The following STK39 variants were observed in gnomAD, a reference collection of about 807,000 sequenced individuals.
STK39 encodes serine/threonine kinase 39, also known as STE20/SPS1-related proline-alanine-rich protein kinase.
STK39 carries 20 observed loss-of-function variants against 77.8 expected under a neutral mutation model. The observed-to-expected ratio is 0.26, with a 90% CI of 0.18 to 0.37. The LOEUF (loss-of-function observed/expected upper bound fraction) is 0.37, where lower values mean the gene tolerates loss of function less well. Among genes scored for constraint, STK39 ranks in the 10% least tolerant of loss-of-function variants. STK39 has a pLI of 1.00. For missense variants in STK39, 479 were observed against 656.5 expected, an observed-to-expected ratio of 0.73 and a Z score of 2.95; for synonymous variants, 246 against 234.1, an observed-to-expected ratio of 1.05 and a Z score of -0.47.
chr2:168,012,284 T>C (rs1684288583), intron 16 of STK39, among the ~76,000 whole-genome samples: 1 of 152,096 alleles, frequency 6.6e-6, no homozygotes, highest in Admixed American at 6.6e-5. Flanking sequence ...GCGATTCTCC[T>C]GCCTCAGCTT....
At chr2:168,036,516 GCTTA>G (rs1684959385) in intron 14 of STK39, among the ~76,000 whole-genome samples, 1 of 152,300 alleles carries the variant, frequency 6.6e-6, no homozygotes, top group East Asian at 1.9e-4. Context: ...CTAGAAATGA[GCTTA>G]CTGTTTTTGG....
intron 1 of STK39, among the ~76,000 whole-genome samples, chr2:168,215,306 A>G (rs1689998968): frequency 6.6e-6 from 1 of 152,152 alleles, no homozygotes; most frequent in South Asian, 2.1e-4. Flanking sequence ...ATTTGATTTT[A>G]CAGGGGAGAA....
chr2:167,983,060 G>A (rs76330638), intron 16 of STK39, among the ~76,000 whole-genome samples: 5,576 of 152,242 alleles, frequency 0.037, 356 homozygotes, highest in African/African-American at 0.13. Flanking sequence ...TGGAATGGAC[G>A]AATGAAAATA....
At chr2:168,139,693 A>G (rs553909374) in intron 7 of STK39, among the ~76,000 whole-genome samples, 2 of 152,148 alleles carry the variant, frequency 1.3e-5, no homozygotes, top group Non-Finnish European at 2.9e-5. Flanking sequence ...TTCAGCCTCA[A>G]AACAAAATCC....
chr2:167,968,779 T>C (rs916532050), intron 16 of STK39, among the ~76,000 whole-genome samples: 18 of 152,208 alleles, frequency 1.2e-4, no homozygotes, highest in African/African-American at 4.1e-4. Flanking sequence ...AGGGTAGGTT[T>C]CTTATGGATA....
At chr2:168,021,196 C>T (rs904540307) in intron 14 of STK39, among the ~76,000 whole-genome samples, 1 of 152,040 alleles carries the variant, frequency 6.6e-6, no homozygotes, top group African/African-American at 2.4e-5. Context: ...AAGAACTGTA[C>T]CCAGAATATC....
rs932409675 is a variant in STK39, at chr2:168,247,175, G to A, written c.208+53C>T. On this transcript the variant is annotated intron_variant, in intron 1 of 17. Transcript: ENST00000355999. ...AGCCCAGCATCCCGCGCCCCCTCCC[G>A]CCCGGCCTCGGCGCCCGGCCTGTGC... 7,460 of 1,052,738 alleles carry A rather than the reference G, an allele frequency of 7.1e-3. 40 individuals carry two copies. Among genetic ancestry groups the A allele is most frequent in the Non-Finnish European group, 7.8e-3 (6,914 of 881,872 alleles). The allele number at this position is 1,052,738 out of a possible 1,614,324, so 65.2% of individuals were successfully genotyped here. A position where few individuals can be genotyped will look rare whatever the true frequency, so the allele number is the denominator to read the frequency against.
At chr2:168,087,967 ACAT>A (rs987051833) in intron 10 of STK39, among the ~76,000 whole-genome samples, 7 of 152,206 alleles carry the variant, frequency 4.6e-5, no homozygotes, top group African/African-American at 1.4e-4. Context: ...TACTGGTTAA[ACAT>A]CATTTATGTT....
intron 10 of STK39, among the ~76,000 whole-genome samples, chr2:168,103,791 T>C (rs1322929011): frequency 6.6e-6 from 1 of 152,252 alleles, no homozygotes; most frequent in African/African-American, 2.4e-5. Context: ...CTGTAAACTT[T>C]CTTCTCTTTC....
chr2:168,102,131 CTTT>C (rs35955276), intron 10 of STK39, among the ~76,000 whole-genome samples: 1 of 147,760 alleles, frequency 6.8e-6, no homozygotes, highest in African/African-American at 2.5e-5. Flanking sequence ...TTCATGTACA[CTTT>C]TTTTTTTTTA....
intron 1 of STK39, among the ~76,000 whole-genome samples, chr2:168,194,735 C>G (rs1689425675): frequency 6.6e-6 from 1 of 152,234 alleles, no homozygotes; most frequent in African/African-American, 2.4e-5. Flanking sequence ...GAACAGCCAG[C>G]TGATTGCATC....
rs1158683210 is a variant in STK39, at chr2:168,100,428, A to AG, written c.1090-25198_1090-25197insC. On this transcript the variant is annotated intron_variant, in intron 10 of 17. Coordinates refer to ENST00000355999, the MANE Select transcript of STK39 (RefSeq NM_013233.3). ...CCTCAGTGTCTTCATTTATTTATTTATTTAGTTAGTTAGTTTTAAAGATGA... is the reference window on the plus strand; with the variant it reads ...CCTCAGTGTCTTCATTTATTTATTTAGTTTAGTTAGTTAGTTTTAAAGATGA... Among the ~76,000 whole-genome samples, 186 of 152,114 alleles carry AG rather than the reference A, an allele frequency of 1.2e-3. 1 individual carries two copies. Among genetic ancestry groups the AG allele is most frequent in the Middle Eastern group, 0.01 (3 of 294 alleles).
chr2:168,149,348 TG>T (rs1399582357), intron 5 of STK39, among the ~76,000 whole-genome samples: 7 of 152,220 alleles, frequency 4.6e-5, no homozygotes, highest in African/African-American at 1.7e-4. Flanking sequence ...ATGTGATGTA[TG>T]GGAGTGATAC....
At chr2:168,136,209 T>C (rs1375904750) in intron 8 of STK39, among the ~76,000 whole-genome samples, 1 of 151,122 alleles carries the variant, frequency 6.6e-6, no homozygotes, top group East Asian at 1.9e-4. Flanking sequence ...TCTACTAAAA[T>C]ACAAAAAAAA....
chr2:168,062,666 T>C (rs1030280712), intron 14 of STK39, among the ~76,000 whole-genome samples: 1 of 152,202 alleles, frequency 6.6e-6, no homozygotes, highest in African/African-American at 2.4e-5. Context: ...AAATCCCTAG[T>C]GGCCAGAAAC....
Position 168,197,074 on chromosome 2 carries a change from T to C in STK39, c.209-14984A>G, listed in dbSNP as rs541924564. ...CTCTGGCTGCTATGTGTAGATAAGA[T>C]TGTACGCAGGGCAAGAGCAGGTACA... is the stretch of plus-strand genomic sequence containing the variant. On this transcript the variant is annotated intron_variant, in intron 1 of 17. Coordinates refer to ENST00000355999, the MANE Select transcript of STK39 (RefSeq NM_013233.3). Among the ~76,000 whole-genome samples, 24 of 151,946 alleles carry C rather than the reference T, an allele frequency of 1.6e-4. 4 individuals carry two copies. Among genetic ancestry groups the C allele is most frequent in the African/African-American group, 5.3e-4 (22 of 41,442 alleles).
rs1302690028 is a variant in STK39, at chr2:168,110,635, T to A, written c.1089+18906A>T. Among the ~76,000 whole-genome samples, 3 of 152,234 alleles carry A rather than the reference T, an allele frequency of 2.0e-5. 1 individual carries two copies. The highest frequency in any genetic ancestry group is 1.3e-4 in the Admixed American group (2 of 15,276). ...TCCACACAGATCTATAATACATCCCTGTCATACATCAAGTTTTCCTTATAC... is the reference window on the plus strand; with the variant it reads ...TCCACACAGATCTATAATACATCCCAGTCATACATCAAGTTTTCCTTATAC... On this transcript the variant is annotated intron_variant, in intron 10 of 17. Transcript: ENST00000355999.
At chr2:168,126,301 G>C (rs1037414396) in intron 10 of STK39, among the ~76,000 whole-genome samples, 1 of 150,974 alleles carries the variant, frequency 6.6e-6, no homozygotes, top group Non-Finnish European at 1.5e-5. Context: ...GCGCCACAGT[G>C]AAGAGGAGAA....
chr2:168,202,346 A>G (rs1477416787), intron 1 of STK39, among the ~76,000 whole-genome samples: 1 of 152,192 alleles, frequency 6.6e-6, no homozygotes, highest in African/African-American at 2.4e-5. Context: ...CAGTACAGTA[A>G]AACACAAAGT....
Sources: allele counts gnomAD v4.1 joint callset (sites outside exome capture counted in the v4.1 genomes callset), GRCh38; gene constraint gnomAD v4.1.1; transcripts MANE v1.5; gene names NCBI Gene and HGNC (gene_info 2026-07-23, HGNC 2026-07-21).